AK9: variants seen among roughly 807,000 people sequenced by gnomAD.
AK9 encodes adenylate kinase 9.
AK9 carries 191 observed loss-of-function variants against 239.6 expected under a neutral mutation model. The observed-to-expected ratio is 0.80, with a 90% confidence interval of 0.71 to 0.90. AK9 has a LOEUF of 0.90. AK9 is among the 40% of genes least tolerant of loss of function. The pLI, the probability that AK9 is intolerant of heterozygous loss-of-function variation, is 0.00. For synonymous variants in AK9, 689 were observed against 721.0 expected (o/e 0.96, Z 0.71); for missense variants, 1,995 against 2,214.7 (o/e 0.90, Z 1.99).
Position 109,633,024 on chromosome 6 carries a change from G to A in AK9, c.1153C>T (p.Pro385Ser). ...FLLNPRPYLLPPMPGPPCKVF... is the reference protein window; with the variant it reads ...FLLNPRPYLLSPMPGPPCKVF... ...TTACATGGTGGTCCTGGCATAGGTG[G>A]AAGCAGATAGGGACGTGGGTTCAAC... is the stretch of plus-strand genomic sequence containing the variant. The change falls in exon 12 of 41, where the codon CCA becomes TCA. Residue 385 changes from proline to serine, a missense_variant. Physicochemically the swap from Pro to Ser is moderately conservative, Grantham distance 74. Around this residue, in one of 5 missense-constraint regions of AK9, gnomAD observed 1,290 missense variants for 1,392.7 expected, o/e 0.93. Coordinates refer to ENST00000424296, the MANE Select transcript of AK9 (RefSeq NM_001145128.3). The A allele has an allele frequency of 6.3e-7, 1 of 1,598,854 alleles. No individual in the cohort carries two copies. The highest frequency in any genetic ancestry group is 8.5e-7 in the Non-Finnish European group (1 of 1,175,204).
chr6:109,671,839 C>A (rs957491510), intron 5 of AK9, 80 bp downstream of exon 5: 26 of 1,302,736 alleles, frequency 2.0e-5, no homozygotes, highest in Non-Finnish European at 2.8e-5. Flanking sequence ...AAGGGCAACT[C>A]CAGAAACTAT....
At chr6:109,680,750 G>A (rs569549268) in intron 1 of AK9, among the ~76,000 whole-genome samples, 6 of 152,298 alleles carry the variant, frequency 3.9e-5, no homozygotes, top group Admixed American at 3.9e-4. Flanking sequence ...GACTAACAGT[G>A]GATCTCTGCA....
At chr6:109,597,033 T>A (rs939587205) in intron 17 of AK9, among the ~76,000 whole-genome samples, 4 of 152,234 alleles carry the variant, frequency 2.6e-5, no homozygotes, top group Admixed American at 2.0e-4. Flanking sequence ...TATAACACTG[T>A]GAAGAAAATC....
At chr6:109,603,175 GCT>G (rs572839465) in intron 17 of AK9, among the ~76,000 whole-genome samples, 178 of 152,286 alleles carry the variant, frequency 1.2e-3, no homozygotes, top group African/African-American at 4.1e-3. Context: ...CAGTTTTTCT[GCT>G]CTGTTTTTTC....
At position 109,614,345 on chromosome 6, in the gene AK9, G is replaced by C. The variant is rs752083854; in HGVS notation, c.1495+40C>G. 3 of 1,546,674 alleles carry C rather than the reference G, an allele frequency of 1.9e-6. No individual in the cohort carries two copies. In the South Asian group the frequency reaches 3.6e-5, roughly 18 times the overall value. ...TTATCAGCTAATCTATTTATATTAG[G>C]GATGATTTGGTCAATAACATCAGCA... On this transcript the variant is annotated intron_variant, in intron 14 of 40. Transcript: ENST00000424296.
At chr6:109,614,501 G>C (rs1793933654) in intron 13 of AK9, 21 bp from the exon 14 acceptor site, 1 of 1,543,882 alleles carries the variant, frequency 6.5e-7, no homozygotes, top group African/African-American at 1.4e-5. Flanking sequence ...ACAATGGGTG[G>C]TGTTAGCAAA....
intron 29 of AK9, among the ~76,000 whole-genome samples, chr6:109,526,228 C>A (rs371462817): frequency 6.6e-6 from 1 of 151,872 alleles, no homozygotes; most frequent in Non-Finnish European, 1.5e-5. Context: ...CACCAAACCC[C>A]GGCAACATGC....
chr6:109,638,653 A>T lies in AK9; in HGVS notation c.933+2865T>A, dbSNP rs116385471. On this transcript the variant is annotated intron_variant, in intron 10 of 40. Coordinates refer to ENST00000424296, the MANE Select transcript of AK9 (RefSeq NM_001145128.3). ...TGCTATCACGTCTGGTTAATTTTTT[A>T]AAAAAATTTTAATTATACTTCAAGT... is the stretch of plus-strand genomic sequence containing the variant. 6.4e-3 allele frequency among the ~76,000 whole-genome samples: 974 copies of T among 152,028 alleles called. 16 individuals are homozygous for T. Among genetic ancestry groups the T allele is most frequent in the African/African-American group, 0.022 (909 of 41,476 alleles).
chr6:109,534,464 T>C (rs1781705547), intron 27 of AK9, among the ~76,000 whole-genome samples: 1 of 150,156 alleles, frequency 6.7e-6, no homozygotes, highest in Non-Finnish European at 1.5e-5. Context: ...TATTTAAATA[T>C]ATATTTTCTT....
At chr6:109,531,853 C>T (rs942924) in intron 28 of AK9, among the ~76,000 whole-genome samples, 88,538 of 152,058 alleles carry the variant, frequency 0.58, 27,477 homozygotes, top group South Asian at 0.84. Flanking sequence ...TCTCCCTCCT[C>T]ACATCCATAG....
chr6:109,575,964 C>T (rs897966898), intron 20 of AK9, among the ~76,000 whole-genome samples: 6 of 151,900 alleles, frequency 3.9e-5, no homozygotes, highest in South Asian at 2.1e-4. Context: ...TTTTCTTTGT[C>T]GAAGATCAGT....
At chr6:109,511,477 G>A (rs867117615) in intron 32 of AK9, among the ~76,000 whole-genome samples, 1 of 152,184 alleles carries the variant, frequency 6.6e-6, no homozygotes, top group Non-Finnish European at 1.5e-5. Context: ...GAACTGATTT[G>A]TCCAAGGTTA....
chr6:109,580,869 T>C (rs1788755065), intron 19 of AK9, among the ~76,000 whole-genome samples: 1 of 152,040 alleles, frequency 6.6e-6, no homozygotes. Flanking sequence ...CTTGCCTTAT[T>C]GTGCTTTGCT....
rs139904546 is a variant in AK9 at position 109,678,688 on chromosome 6, T to A, written c.-11-2932A>T. Among the ~76,000 whole-genome samples the A allele has an allele frequency of 2.7e-4, 40 of 149,656 alleles. No homozygotes were observed. The East Asian group carries it at 7.3e-3, about 27-fold the overall frequency. On this transcript the variant is annotated intron_variant, in intron 1 of 40. Transcript: ENST00000424296. ...GGCAAGATAGCTGAATAGGAACAGCTCTGGTCTGCAGCTCCCAGCGAGATC... is the reference window on the plus strand; with the variant it reads ...GGCAAGATAGCTGAATAGGAACAGCACTGGTCTGCAGCTCCCAGCGAGATC...
At chr6:109,540,846 C>A (rs1562377455) in intron 27 of AK9, among the ~76,000 whole-genome samples, 1 of 152,168 alleles carries the variant, frequency 6.6e-6, no homozygotes, top group African/African-American at 2.4e-5. Context: ...CTACACCCAA[C>A]CTCTCTTCTG....
intron 26 of AK9, 147 bp downstream of exon 26, chr6:109,545,720 T>C: frequency 4.2e-6 from 4 of 961,610 alleles, no homozygotes; most frequent in Non-Finnish European, 6.0e-6. Flanking sequence ...GAGGATCACC[T>C]GAGCCCAGGG....
At chr6:109,555,034 T>G (rs1784824320) in intron 24 of AK9, among the ~76,000 whole-genome samples, 1 of 152,220 alleles carries the variant, frequency 6.6e-6, no homozygotes, top group Admixed American at 6.5e-5. Flanking sequence ...TTATCTTAGT[T>G]ATTTCTTGTC....
chr6:109,513,768 A>G (rs1211939614), intron 32 of AK9, among the ~76,000 whole-genome samples: 1 of 152,186 alleles, frequency 6.6e-6, no homozygotes, highest in Non-Finnish European at 1.5e-5. Flanking sequence ...CATTCCTATA[A>G]ATAGGATTTC....
intron 39 of AK9, 136 bp from the exon 40 acceptor site, chr6:109,494,231 G>A: frequency 5.5e-6 from 3 of 543,340 alleles, no homozygotes; most frequent in South Asian, 3.0e-5. Context: ...TTATAAATAT[G>A]GTTAGATGAC....
Sources: gnomAD v4.1 joint callset for allele counts (sites outside exome capture counted in the v4.1 genomes callset) on GRCh38, gnomAD v4.1.1 for gene constraint, gnomAD v4.1.1 regional missense constraint, MANE v1.5 for transcripts, NCBI Gene and HGNC (gene_info 2026-07-23, HGNC 2026-07-21) for gene names.